Variants in ASCC3 observed in about 807,000 individuals in gnomAD.
ASCC3 encodes ASC-1 complex subunit P200.
A neutral mutation model predicts 256.3 loss-of-function variants in ASCC3; 158 were observed. The ratio of observed to expected loss-of-function variants is 0.62; its 90% CI spans 0.54 to 0.70. The LOEUF (loss-of-function observed/expected upper bound fraction) is 0.70. ASCC3 is among the 30% of genes least tolerant of loss of function. The probability of loss-of-function intolerance (pLI) is 0.00; values close to 1 mark genes in which losing one functional copy is unlikely to be tolerated. For synonymous variants in ASCC3, 948 were observed against 883.4 expected (o/e 1.07, Z -1.30); for missense variants, 2,259 against 2,626.0 (o/e 0.86, Z 3.05).
chr6:100,797,016 T>A (rs1398311737), intron 8 of ASCC3, among the ~76,000 whole-genome samples: 3 of 151,944 alleles, frequency 2.0e-5, no homozygotes, highest in South Asian at 4.1e-4. Context: ...ATTAACCTAC[T>A]CAGAAAAACT....
intron 30 of ASCC3, among the ~76,000 whole-genome samples, chr6:100,607,372 C>T (rs1026619755): frequency 6.6e-6 from 1 of 151,612 alleles, no homozygotes; most frequent in Non-Finnish European, 1.5e-5. Context: ...TGAGTAACAA[C>T]CATTAAAAAG....
chr6:100,728,257 AGAGT>A (rs1042197242), intron 10 of ASCC3, among the ~76,000 whole-genome samples: 4 of 152,060 alleles, frequency 2.6e-5, no homozygotes, highest in African/African-American at 7.2e-5. Context: ...TGATAAAGAG[AGAGT>A]GAGAGACAGA....
intron 3 of ASCC3, among the ~76,000 whole-genome samples, chr6:100,850,098 C>CAAAAAAAAAAAAAAAA (rs61582863): frequency 1.2e-5 from 1 of 80,612 alleles, no homozygotes; most frequent in Non-Finnish European, 2.4e-5. Context: ...GAGACTCTAT[C>CAAAAAAAAAAAAAAAA]AAAAAAAAAA....
At chr6:100,873,081 T>C (rs1322641942) in intron 1 of ASCC3, among the ~76,000 whole-genome samples, 1 of 152,018 alleles carries the variant, frequency 6.6e-6, no homozygotes, top group Non-Finnish European at 1.5e-5. Flanking sequence ...GGCCAGTTAT[T>C]AAGCTAATCA....
At chr6:100,789,319 T>A (rs1238736792) in intron 8 of ASCC3, among the ~76,000 whole-genome samples, 24 of 151,636 alleles carry the variant, frequency 1.6e-4, no homozygotes, top group Non-Finnish European at 1.5e-5. Flanking sequence ...GGGGAAGGAG[T>A]TAGTCACAGA....
chr6:100,763,930 C>G (rs994603128), intron 10 of ASCC3, among the ~76,000 whole-genome samples: 1 of 151,910 alleles, frequency 6.6e-6, no homozygotes, highest in Non-Finnish European at 1.5e-5. Flanking sequence ...TGGCCAGAGT[C>G]TGCAGGACAG....
chr6:100,728,766 T>C (rs11155613), intron 10 of ASCC3, among the ~76,000 whole-genome samples: 69,437 of 151,924 alleles, frequency 0.46, 16,289 homozygotes, highest in Middle Eastern at 0.6. Context: ...TTTCCCACTC[T>C]CTCCTTTGCC....
At chr6:100,646,806 G>A (rs1453362490) in intron 21 of ASCC3, 37 bp from the exon 22 acceptor site, 3 of 1,602,990 alleles carry the variant, frequency 1.9e-6, no homozygotes, top group East Asian at 2.2e-5. Flanking sequence ...AATGTGTCCA[G>A]GCAGAAAAAA....
intron 8 of ASCC3, among the ~76,000 whole-genome samples, chr6:100,791,521 C>G (rs1454475812): frequency 6.6e-6 from 1 of 151,890 alleles, no homozygotes; most frequent in Non-Finnish European, 1.5e-5. Flanking sequence ...TTGTTTAGTT[C>G]ATTATCACTG....
At chr6:100,799,129 T>C (rs1331304073) in intron 7 of ASCC3, among the ~76,000 whole-genome samples, 1 of 152,078 alleles carries the variant, frequency 6.6e-6, no homozygotes, top group African/African-American at 2.4e-5. Context: ...ACAAATGTAT[T>C]CATATAATTA....
In ASCC3 at chr6:100,796,668, G is replaced by A. The variant is rs529927822; in HGVS notation, c.1395+2045C>T. On this transcript the variant is annotated intron_variant, in intron 8 of 41. Coordinates refer to ENST00000369162, the MANE Select transcript of ASCC3 (RefSeq NM_006828.4). Reference sequence around the variant, plus strand: ...GGCAGAAGTAACTACCTGCAAGCCAGGAAGAAATCCTCACCAGAAACAAAA... The same window carrying A: ...GGCAGAAGTAACTACCTGCAAGCCAAGAAGAAATCCTCACCAGAAACAAAA... 2.2e-3 allele frequency among the ~76,000 whole-genome samples: 340 copies of A among 152,238 alleles called. 4 individuals are homozygous for A. Among genetic ancestry groups the A allele is most frequent in the Non-Finnish European group, 1.8e-3 (122 of 68,016 alleles).
intron 9 of ASCC3, among the ~76,000 whole-genome samples, chr6:100,766,907 C>T (rs1781683947): frequency 6.6e-6 from 1 of 152,180 alleles, no homozygotes; most frequent in East Asian, 1.9e-4. Context: ...TTTGTTTACA[C>T]AGCTACATCA....
intron 36 of ASCC3, among the ~76,000 whole-genome samples, chr6:100,565,151 T>C (rs1308880848): frequency 6.6e-6 from 1 of 152,182 alleles, no homozygotes; most frequent in Non-Finnish European, 1.5e-5. Context: ...TTAACTGCAA[T>C]TGAATCAACT....
In ASCC3 at chr6:100,639,975, C is replaced by T. The variant is rs1180495969; in HGVS notation, c.3902-1154G>A. Among the ~76,000 whole-genome samples the T allele has an allele frequency of 5.3e-5, 8 of 152,012 alleles. No individual in the cohort carries two copies. The East Asian group carries it at 9.7e-4, about 18-fold the overall frequency. Reference sequence around the variant, plus strand: ...ACTAAAAATACAAAAATTAACTGGGCGTGGTGGTGGGCGCCTGTAATCCCA... The same window carrying T: ...ACTAAAAATACAAAAATTAACTGGGTGTGGTGGTGGGCGCCTGTAATCCCA... On this transcript the variant is annotated intron_variant, in intron 24 of 41. Coordinates refer to ENST00000369162, the MANE Select transcript of ASCC3 (RefSeq NM_006828.4).
At chr6:100,525,959 C>T (rs1774560662) in intron 37 of ASCC3, among the ~76,000 whole-genome samples, 1 of 152,164 alleles carries the variant, frequency 6.6e-6, no homozygotes, top group Admixed American at 6.5e-5. Flanking sequence ...AAAAAGCTTT[C>T]TTGACAGAAA....
At chr6:100,800,586 C>T in intron 5 of ASCC3, 82 bp from the exon 6 acceptor site, 1 of 1,057,330 alleles carries the variant, frequency 9.5e-7, no homozygotes, top group Non-Finnish European at 1.4e-6. Context: ...CTTTCCTCCA[C>T]CCCACAACAT....
chr6:100,691,218 G>T (rs1035523188), intron 13 of ASCC3, among the ~76,000 whole-genome samples: 2 of 151,886 alleles, frequency 1.3e-5, no homozygotes, highest in African/African-American at 2.4e-5. Flanking sequence ...GCAAGACATT[G>T]TACAATATAT....
chr6:100,515,587 T>C (rs1046247358), intron 39 of ASCC3, among the ~76,000 whole-genome samples: 2 of 152,220 alleles, frequency 1.3e-5, no homozygotes, highest in African/African-American at 4.8e-5. Context: ...GGAGACATGA[T>C]CCTTGTTGTT....
chr6:100,681,305 C>A (rs1439159568), intron 13 of ASCC3, among the ~76,000 whole-genome samples: 3 of 152,098 alleles, frequency 2.0e-5, no homozygotes, highest in African/African-American at 7.2e-5. Flanking sequence ...ACAAAAAGCA[C>A]TGCAAGTCAT....
Sources: allele counts gnomAD v4.1 joint callset (sites outside exome capture counted in the v4.1 genomes callset), GRCh38; gene constraint gnomAD v4.1.1; transcripts MANE v1.5; gene names NCBI Gene and HGNC (gene_info 2026-07-23, HGNC 2026-07-21).